Variants in TMTC2 observed in about 807,000 individuals in gnomAD.
TMTC2 encodes protein O-mannosyl-transferase TMTC2.
In TMTC2, 43 loss-of-function variants were observed where a neutral mutation model predicts 82.4. The ratio of observed to expected loss-of-function variants is 0.52; its 90% CI spans 0.41 to 0.67. The LOEUF (loss-of-function observed/expected upper bound fraction) is 0.67, where lower values mean the gene tolerates loss of function less well. Among genes scored for constraint, TMTC2 ranks in the 30% least tolerant of loss-of-function variants. The pLI is 0.00. For missense variants in TMTC2, 919 were observed against 1,012.4 expected, an observed-to-expected ratio of 0.91 and a Z score of 1.25; for synonymous variants, 408 against 381.9, an observed-to-expected ratio of 1.07 and a Z score of -0.80.
At chr12:82,735,638 C>T (rs999341609) in intron 1 of TMTC2, among the ~76,000 whole-genome samples, 8 of 151,608 alleles carry the variant, frequency 5.3e-5, no homozygotes, top group East Asian at 2.0e-4. Flanking sequence ...AGCCACCGCA[C>T]CCAGCCCCCC....
chr12:83,014,407 C>T (rs1880584508), intron 8 of TMTC2, among the ~76,000 whole-genome samples: 1 of 152,162 alleles, frequency 6.6e-6, no homozygotes, highest in African/African-American at 2.4e-5. Context: ...GTGGCGTGAT[C>T]TCAGCTCATG....
intron 9 of TMTC2, among the ~76,000 whole-genome samples, chr12:83,043,118 A>G (rs375652): frequency 1.3e-5 from 2 of 152,238 alleles, no homozygotes; most frequent in Admixed American, 1.3e-4. Context: ...GAAAGAGCGA[A>G]AGCATATTTG....
chr12:82,947,475 T>G (rs1877077365), intron 4 of TMTC2, among the ~76,000 whole-genome samples: 1 of 151,786 alleles, frequency 6.6e-6, no homozygotes, highest in Non-Finnish European at 1.5e-5. Flanking sequence ...CCCGAGTAGC[T>G]GGGACTACAG....
intron 1 of TMTC2, among the ~76,000 whole-genome samples, chr12:82,848,899 T>G (rs1565777177): frequency 6.6e-6 from 1 of 152,082 alleles, no homozygotes; most frequent in Non-Finnish European, 1.5e-5. Context: ...GGTTGAAGCA[T>G]ATTTGGAAAG....
At chr12:82,967,051 C>T (rs1160126987) in intron 7 of TMTC2, 54 bp downstream of exon 7, 1 of 1,360,582 alleles carries the variant, frequency 7.3e-7, no homozygotes, top group African/African-American at 1.5e-5. Context: ...TGTGGAGAAA[C>T]AGGAACCCAT....
intron 1 of TMTC2, among the ~76,000 whole-genome samples, chr12:82,740,601 C>CT (rs1367049531): frequency 1.3e-5 from 2 of 152,186 alleles, no homozygotes; most frequent in African/African-American, 4.8e-5. Context: ...TCATTAGAAC[C>CT]TTCCCTGCTG....
At chr12:82,924,584 TA>T (rs1875589983) in intron 3 of TMTC2, among the ~76,000 whole-genome samples, 1 of 152,182 alleles carries the variant, frequency 6.6e-6, no homozygotes, top group Non-Finnish European at 1.5e-5. Flanking sequence ...TTCATTTGGA[TA>T]AAAAGCAGGA....
chr12:82,928,759 G>T (rs1222874318), intron 3 of TMTC2, among the ~76,000 whole-genome samples: 1 of 152,154 alleles, frequency 6.6e-6, no homozygotes, highest in Non-Finnish European at 1.5e-5. Flanking sequence ...TGTGTTGAGA[G>T]CTTGGTGAGA....
At chr12:82,761,572 C>T (rs1876634717) in intron 1 of TMTC2, among the ~76,000 whole-genome samples, 1 of 152,216 alleles carries the variant, frequency 6.6e-6, no homozygotes, top group Non-Finnish European at 1.5e-5. Flanking sequence ...TCACATTTCT[C>T]TTAGCCACTG....
chr12:83,004,415 G>T (rs561130299), intron 8 of TMTC2, among the ~76,000 whole-genome samples: 43 of 152,270 alleles, frequency 2.8e-4, no homozygotes, highest in Non-Finnish European at 5.9e-5. Context: ...AAGCATTTCT[G>T]GGAAACTAGT....
chr12:83,041,426 A>G (rs1881892048), intron 9 of TMTC2, among the ~76,000 whole-genome samples: 1 of 152,204 alleles, frequency 6.6e-6, no homozygotes, highest in African/African-American at 2.4e-5. Flanking sequence ...GGATTTATTT[A>G]CGGTTTTATA....
At chr12:82,709,082 A>AT (rs34138059) in intron 1 of TMTC2, among the ~76,000 whole-genome samples, 23,674 of 141,618 alleles carry the variant, frequency 0.17, 2,096 homozygotes, top group East Asian at 0.36. Context: ...CTGTGATAGG[A>AT]TTTTTTTTTT....
intron 11 of TMTC2, among the ~76,000 whole-genome samples, chr12:83,088,139 C>G (rs1883724465): frequency 6.6e-6 from 1 of 152,184 alleles, no homozygotes; most frequent in South Asian, 2.1e-4. Flanking sequence ...AGAGATGAAC[C>G]TTTCTTTAAA....
chr12:82,829,677 G>A (rs1422761965), intron 1 of TMTC2, among the ~76,000 whole-genome samples: 2 of 152,160 alleles, frequency 1.3e-5, no homozygotes. Context: ...TGTATACAAT[G>A]TAATGCTGTT....
intron 1 of TMTC2, among the ~76,000 whole-genome samples, chr12:82,767,570 G>A (rs1305528303): frequency 6.6e-6 from 1 of 152,108 alleles, no homozygotes; most frequent in East Asian, 1.9e-4. Context: ...TGGGCATGGA[G>A]TGAGACTCTG....
intron 4 of TMTC2, among the ~76,000 whole-genome samples, chr12:82,947,872 C>T (rs1311234685): frequency 6.6e-6 from 1 of 152,094 alleles, no homozygotes; most frequent in South Asian, 2.1e-4. Flanking sequence ...CCCCAGACCT[C>T]CATCATTCTG....
chr12:83,109,090 G>A (rs1349713042), intron 11 of TMTC2, among the ~76,000 whole-genome samples: 3 of 152,166 alleles, frequency 2.0e-5, no homozygotes, highest in South Asian at 4.1e-4. Context: ...CATCACCAGT[G>A]TATTAGTTCC....
At chr12:82,854,341 G>A (rs897320587) in intron 1 of TMTC2, among the ~76,000 whole-genome samples, 25 of 152,146 alleles carry the variant, frequency 1.6e-4, no homozygotes, top group African/African-American at 6.0e-4. Context: ...CAGGGACTGA[G>A]TTTCCCTCAA....
intron 2 of TMTC2, among the ~76,000 whole-genome samples, chr12:82,890,748 A>G (rs969516778): frequency 6.6e-6 from 1 of 152,204 alleles, no homozygotes; most frequent in Non-Finnish European, 1.5e-5. Flanking sequence ...TGGACAGAGT[A>G]GTAGAATGTG....
Sources: gnomAD v4.1 joint callset for allele counts (sites outside exome capture counted in the v4.1 genomes callset) on GRCh38, gnomAD v4.1.1 for gene constraint, MANE v1.5 for transcripts, NCBI Gene and HGNC (gene_info 2026-07-23, HGNC 2026-07-21) for gene names.